The following SEMA3A variants were observed in gnomAD, a reference collection of about 807,000 sequenced individuals.
The protein encoded by SEMA3A is semaphorin 3A, also known as semaphorin-3A.
Under a neutral mutation model 97.9 loss-of-function variants are expected in SEMA3A, and 29 were observed. The observed-to-expected ratio is 0.30, with a 90% CI of 0.22 to 0.40. The LOEUF (loss-of-function observed/expected upper bound fraction) is 0.40. SEMA3A is among the 10% of genes least tolerant of loss of function. SEMA3A has a pLI of 1.00. For synonymous variants in SEMA3A, 321 were observed against 323.7 expected (o/e 0.99, Z 0.09); for missense variants, 763 against 951.3 (o/e 0.80, Z 2.60).
At chr7:83,986,901 T>A (rs973282954) in intron 12 of SEMA3A, among the ~76,000 whole-genome samples, 3 of 151,978 alleles carry the variant, frequency 2.0e-5, no homozygotes, top group East Asian at 3.9e-4. Flanking sequence ...TAAAACACAT[T>A]ACAAATGTGC....
chr7:84,134,012 G>A (rs1399666546), intron 2 of SEMA3A, among the ~76,000 whole-genome samples: 1 of 151,688 alleles, frequency 6.6e-6, no homozygotes, highest in Non-Finnish European at 1.5e-5. Flanking sequence ...AGTGAGCCAA[G>A]ATCGCGCCAC....
intron 2 of SEMA3A, among the ~76,000 whole-genome samples, chr7:84,313,405 T>TATATATAA (rs1454447733): frequency 3.7e-5 from 4 of 107,122 alleles, no homozygotes; most frequent in Admixed American, 9.7e-5. Flanking sequence ...TATATATATA[T>TATATATAA]AAACTATACG....
At chr7:84,312,919 T>TACACACAC (rs1169125442) in intron 2 of SEMA3A, among the ~76,000 whole-genome samples, 13 of 31,070 alleles carry the variant, frequency 4.2e-4, no homozygotes, top group South Asian at 1.3e-3. Context: ...TATATATATA[T>TACACACAC]ATACACACAC....
chr7:84,307,663 T>G (rs1055001788), intron 2 of SEMA3A, among the ~76,000 whole-genome samples: 7 of 152,280 alleles, frequency 4.6e-5, no homozygotes, highest in Admixed American at 2.6e-4. Context: ...CATTAATATT[T>G]TTCACCACTG....
intron 3 of SEMA3A, among the ~76,000 whole-genome samples, chr7:84,227,502 C>CGA (rs1470961444): frequency 6.6e-6 from 1 of 151,936 alleles, no homozygotes; most frequent in Non-Finnish European, 1.5e-5. Context: ...TCATTCTATC[C>CGA]ATCTTCTCAA....
At chr7:84,135,116 C>CTT (rs34940395) in intron 1 of SEMA3A, among the ~76,000 whole-genome samples, 165 bp from the exon 2 acceptor site, 4 of 133,758 alleles carry the variant, frequency 3.0e-5, no homozygotes, top group Non-Finnish European at 4.8e-5. Flanking sequence ...GTGCATTTTA[C>CTT]TTTTTTTTTT....
At chr7:84,465,043 A>T (rs1562956464) in intron 1 of SEMA3A, among the ~76,000 whole-genome samples, 1 of 152,188 alleles carries the variant, frequency 6.6e-6, no homozygotes, top group East Asian at 1.9e-4. Flanking sequence ...AAAGATAAAA[A>T]GACTTAAGGA....
chr7:83,971,808 C>T (rs17158423), intron 15 of SEMA3A, among the ~76,000 whole-genome samples: 3,849 of 152,192 alleles, frequency 0.025, 166 homozygotes, highest in East Asian at 0.19. Flanking sequence ...TAATTTTTCA[C>T]CTGGCTAAAA....
intron 3 of SEMA3A, among the ~76,000 whole-genome samples, chr7:84,293,389 C>T (rs537865721): frequency 6.6e-6 from 1 of 152,078 alleles, no homozygotes; most frequent in African/African-American, 2.4e-5. Context: ...TCTTTCTGAA[C>T]ATGAATCAAT....
intron 5 of SEMA3A, among the ~76,000 whole-genome samples, chr7:84,055,678 G>A (rs117184630): frequency 0.012 from 1,843 of 151,882 alleles, 18 homozygotes; most frequent in Non-Finnish European, 0.019. Context: ...CGTTGCTCAC[G>A]CTCGGAGCTG....
chr7:84,394,293 A>C (rs1305391798), intron 1 of SEMA3A, among the ~76,000 whole-genome samples: 1 of 152,094 alleles, frequency 6.6e-6, no homozygotes, highest in Non-Finnish European at 1.5e-5. Flanking sequence ...AGTATTTTTA[A>C]CTTCTATGTG....
intron 3 of SEMA3A, among the ~76,000 whole-genome samples, chr7:84,209,768 GC>G (rs1292511315): frequency 2.0e-5 from 3 of 151,930 alleles, no homozygotes; most frequent in Non-Finnish European, 4.4e-5. Context: ...AACTATGATA[GC>G]CCCAATAACA....
intron 1 of SEMA3A, among the ~76,000 whole-genome samples, chr7:84,473,545 C>T (rs1177369530): frequency 4.6e-5 from 7 of 151,708 alleles, no homozygotes; most frequent in Non-Finnish European, 7.4e-5. Context: ...TGCACCACCA[C>T]GCCTGGCTAA....
Position 84,237,576 on chromosome 7 carries a change from A to T in SEMA3A, c.-82-42908T>A, listed in dbSNP as rs10257450. Among the ~76,000 whole-genome samples, 119 of 152,246 alleles carry T rather than the reference A, an allele frequency of 7.8e-4. 1 individual carries two copies. The highest frequency in any genetic ancestry group is 2.7e-3 in the African/African-American group (114 of 41,548). Reference sequence around the variant, plus strand: ...AGTGGTTTACATTATCATCTCTTATACTGTGACAAGATAGATACTATTATT... The same window carrying T: ...AGTGGTTTACATTATCATCTCTTATTCTGTGACAAGATAGATACTATTATT... On this transcript the variant is annotated intron_variant, in intron 3 of 3. Transcript: ENST00000424555.
intron 4 of SEMA3A, among the ~76,000 whole-genome samples, chr7:84,104,026 GTC>G (rs1795034695): frequency 6.6e-6 from 1 of 152,046 alleles, no homozygotes; most frequent in Admixed American, 6.6e-5. Flanking sequence ...TCCAGTGACT[GTC>G]TCACCCCAGT....
At chr7:84,097,678 T>C (rs1181743857) in intron 4 of SEMA3A, among the ~76,000 whole-genome samples, 2 of 152,142 alleles carry the variant, frequency 1.3e-5, no homozygotes, top group East Asian at 3.8e-4. Flanking sequence ...TAATTTGAAA[T>C]AATACTCTTT....
rs182410519 is a variant in SEMA3A at position 84,308,979 on chromosome 7, G to A, written c.-168-1687C>T. Among the ~76,000 whole-genome samples the A allele has an allele frequency of 6.7e-4, 102 of 151,854 alleles. 1 individual carries two copies. The highest frequency in any genetic ancestry group is 2.1e-3 in the African/African-American group (89 of 41,412). On this transcript the variant is annotated intron_variant, in intron 2 of 3. Coordinates refer to the SEMA3A transcript ENST00000424555. ...ATTACAGGTGCCTGCCACCACACCC[G>A]GCTAACTTTTGTATTTTTAGTATAG...
chr7:84,388,767 T>C (rs1017747716), intron 1 of SEMA3A, among the ~76,000 whole-genome samples: 2 of 152,046 alleles, frequency 1.3e-5, no homozygotes, highest in Admixed American at 1.3e-4. Context: ...TTAAGGGACC[T>C]TCAGTTTCTT....
chr7:84,113,331 A>C (rs1463753836), intron 3 of SEMA3A, among the ~76,000 whole-genome samples: 1 of 152,158 alleles, frequency 6.6e-6, no homozygotes, highest in Non-Finnish European at 1.5e-5. Context: ...CCTGTCATTC[A>C]TTTGCCTTCA....
Sources: allele counts gnomAD v4.1 joint callset (sites outside exome capture counted in the v4.1 genomes callset), GRCh38; gene constraint gnomAD v4.1.1; transcripts MANE v1.5; gene names NCBI Gene and HGNC (gene_info 2026-07-23, HGNC 2026-07-21).